Variants in DLG2 observed in about 807,000 individuals in gnomAD.
DLG2 encodes the protein disks large homolog 2.
DLG2 carries 45 observed loss-of-function variants against 132.5 expected under a neutral mutation model. The observed-to-expected ratio is 0.34, with a 90% CI of 0.27 to 0.44. The LOEUF is 0.44. Ranked by LOEUF, DLG2 falls within the 20% of genes least tolerant of loss-of-function variation. The pLI is 1.00. For missense variants in DLG2, 1,045 were observed against 1,196.9 expected (o/e 0.87, Z 1.87); for synonymous variants, 424 against 419.6 (o/e 1.01, Z -0.13).
intron 3 of DLG2, among the ~76,000 whole-genome samples, chr11:85,504,662 G>C (rs1057006439): frequency 2.0e-5 from 3 of 152,132 alleles, no homozygotes; most frequent in African/African-American, 7.2e-5. Flanking sequence ...ATCCAGCTTT[G>C]TTCTTTTGCC....
chr11:85,368,701 T>C lies in DLG2; in HGVS notation c.41-83336A>G, dbSNP rs148348489. ...GCATATCTGAGTCTCTCTCAATAAA[T>C]TGCTCTCAGCTCAAAGGGAATTCCT... On this transcript the variant is annotated intron_variant, in intron 3 of 27. Transcript: ENST00000376104. Among the ~76,000 whole-genome samples the C allele has an allele frequency of 2.2e-3, 331 of 152,336 alleles. 1 individual carries two copies. The highest frequency in any genetic ancestry group is 7.7e-3 in the African/African-American group (321 of 41,572).
Position 83,471,688 on chromosome 11 carries a change from T to C in DLG2, c.2384A>G (p.Lys795Arg). 1 of 1,613,194 alleles carries C rather than the reference T, an allele frequency of 6.2e-7. No individual in the cohort carries two copies. Among genetic ancestry groups the C allele is most frequent in the Non-Finnish European group, 8.5e-7 (1 of 1,179,422 alleles). The change falls in exon 24 of 28, where the codon AAG (lysine) becomes AGG (arginine). Residue 795 changes from lysine (K) to arginine (R), a missense_variant. Physicochemically the swap from Lys to Arg is conservative, Grantham distance 26 (BLOSUM62 2). Around this residue, in one of 4 missense-constraint regions of DLG2, gnomAD observed 398 missense variants for 543.6 expected, o/e 0.73. Transcript: ENST00000376104. ...TATCAAGTCGTCATTGATCCGATCC[T>C]TCATGGGCCCCAGGATAATCACCGG... ...TRPVIILGPM[K>R]DRINDDLISE...
intron 6 of DLG2, among the ~76,000 whole-genome samples, chr11:85,060,509 G>C (rs1234211646): frequency 6.6e-6 from 1 of 150,524 alleles, no homozygotes; most frequent in East Asian, 1.9e-4. Context: ...ATGTATATGT[G>C]TGTGTGTGTA....
intron 6 of DLG2, among the ~76,000 whole-genome samples, chr11:84,579,188 CGTGTGTGTGT>C (rs140667305): frequency 8.2e-5 from 12 of 145,592 alleles, no homozygotes; most frequent in Admixed American, 1.4e-4. Flanking sequence ...GCATTATTCA[CGTGTGTGTGT>C]GTGTGTGTGT....
At chr11:84,552,017 C>A (rs1310743384) in intron 6 of DLG2, among the ~76,000 whole-genome samples, 1 of 152,030 alleles carries the variant, frequency 6.6e-6, no homozygotes, top group African/African-American at 2.4e-5. Context: ...AGAGTGAAGG[C>A]CAAGATGGTT....
intron 19 of DLG2, among the ~76,000 whole-genome samples, chr11:83,614,484 G>A (rs1346421916): frequency 6.6e-6 from 1 of 152,170 alleles, no homozygotes; most frequent in Non-Finnish European, 1.5e-5. Flanking sequence ...TTTGGGAGGC[G>A]GAGGTGGGTG....
At chr11:83,668,029 T>G (rs1592098129) in intron 18 of DLG2, among the ~76,000 whole-genome samples, 2 of 119,480 alleles carry the variant, frequency 1.7e-5, no homozygotes, top group African/African-American at 3.1e-5. Flanking sequence ...TGACGGCCCC[T>G]GGCTGCCAGT....
chr11:84,085,707 A>G (rs1331377403), intron 10 of DLG2, among the ~76,000 whole-genome samples: 1 of 152,192 alleles, frequency 6.6e-6, no homozygotes, highest in African/African-American at 2.4e-5. Flanking sequence ...ACCTACAAAT[A>G]ATTCCAGAAA....
chr11:85,251,193 T>G (rs1443349374), intron 4 of DLG2, among the ~76,000 whole-genome samples: 1 of 152,118 alleles, frequency 6.6e-6, no homozygotes, highest in Non-Finnish European at 1.5e-5. Flanking sequence ...GTGTGGAAAG[T>G]GCAGAAAAAA....
intron 4 of DLG2, among the ~76,000 whole-genome samples, chr11:85,228,923 G>A (rs992267368): frequency 2.0e-5 from 3 of 150,018 alleles, no homozygotes; most frequent in Non-Finnish European, 3.0e-5. Context: ...ATGTTATTTT[G>A]GCTTTAAATA....
In DLG2 at chr11:84,145,764, T is replaced by G. The variant is rs568219445; in HGVS notation, c.624+17697A>C. On this transcript the variant is annotated intron_variant, in intron 9 of 27. Coordinates refer to ENST00000376104, the MANE Select transcript of DLG2 (RefSeq NM_001142699.3). The stretch of plus-strand genomic sequence containing the variant: ...GGCGAGAGAAAGGAGATAACTCAGC[T>G]GAGCACTTACAGAGAAAAATGGAGA... Among the ~76,000 whole-genome samples the G allele has an allele frequency of 1.1e-4, 17 of 152,286 alleles. No individual in the cohort carries two copies. In the South Asian group the frequency reaches 3.3e-3, roughly 30 times the overall value.
chr11:85,403,510 AAAAG>A (rs1387600064), intron 3 of DLG2, among the ~76,000 whole-genome samples: 2 of 151,934 alleles, frequency 1.3e-5, no homozygotes, highest in African/African-American at 4.8e-5. Context: ...AAATTTAAAA[AAAAG>A]AAAGATGAGA....
At chr11:85,427,476 T>A (rs1026522040) in intron 3 of DLG2, among the ~76,000 whole-genome samples, 28 of 152,236 alleles carry the variant, frequency 1.8e-4, no homozygotes, top group African/African-American at 6.7e-4. Flanking sequence ...AATATTCAAC[T>A]TTCTTAAAGA....
rs150270049 is a variant in DLG2, at chr11:85,221,303, C to T, written c.186+63917G>A. ...CATCCTCCTGACCTCGTGATCCATC[C>T]GCCTCAGCCTCCCAAAGTGCTGGGA... On this transcript the variant is annotated intron_variant, in intron 4 of 27. Coordinates refer to ENST00000376104, the MANE Select transcript of DLG2 (RefSeq NM_001142699.3). Among the ~76,000 whole-genome samples the T allele has an allele frequency of 1.8e-3, 276 of 152,136 alleles. 1 individual carries two copies. Among genetic ancestry groups the T allele is most frequent in the Non-Finnish European group, 2.9e-3 (200 of 67,996 alleles).
chr11:84,649,792 T>C (rs954916119), intron 6 of DLG2, among the ~76,000 whole-genome samples: 1 of 152,214 alleles, frequency 6.6e-6, no homozygotes, highest in Non-Finnish European at 1.5e-5. Context: ...GCATGCTTTA[T>C]GCCTGCAATC....
intron 17 of DLG2, among the ~76,000 whole-genome samples, chr11:83,787,136 A>T (rs948513252): frequency 6.6e-6 from 1 of 152,080 alleles, no homozygotes; most frequent in African/African-American, 2.4e-5. Context: ...GGAAAACAGG[A>T]TGATAAAGAG....
intron 6 of DLG2, among the ~76,000 whole-genome samples, chr11:85,089,171 G>A (rs1212363861): frequency 6.6e-6 from 1 of 151,854 alleles, no homozygotes; most frequent in South Asian, 2.1e-4. Flanking sequence ...ACATGTGCAG[G>A]TATGTTACAT....
intron 18 of DLG2, among the ~76,000 whole-genome samples, chr11:83,726,824 C>T (rs551519764): frequency 6.6e-6 from 1 of 152,252 alleles, no homozygotes; most frequent in Admixed American, 6.5e-5. Context: ...CTTTCCGTTT[C>T]TCTGCAGGCA....
chr11:83,527,621 A>G (rs1396895052), intron 21 of DLG2, among the ~76,000 whole-genome samples: 1 of 152,126 alleles, frequency 6.6e-6, no homozygotes, highest in East Asian at 1.9e-4. Flanking sequence ...TACTTCAAAT[A>G]ACAACTATCA....
Sources: allele counts gnomAD v4.1 joint callset (sites outside exome capture counted in the v4.1 genomes callset), GRCh38; gene constraint gnomAD v4.1.1; regional missense constraint gnomAD v4.1.1; transcripts MANE v1.5; gene names NCBI Gene and HGNC (gene_info 2026-07-23, HGNC 2026-07-21).